Variants in COL6A6 observed in about 807,000 individuals in gnomAD.
The protein encoded by COL6A6 is collagen type VI alpha 6 chain.
COL6A6 carries 183 observed loss-of-function variants against 208.6 expected under a neutral mutation model. The ratio of observed to expected loss-of-function variants is 0.88; its 90% CI spans 0.78 to 0.99. COL6A6 has a LOEUF of 0.99. Among genes scored for constraint, COL6A6 ranks in the 50% least tolerant of loss-of-function variants. The pLI is 0.00. For synonymous variants in COL6A6, 973 were observed against 1,011.8 expected, an observed-to-expected ratio of 0.96 and a Z score of 0.73; for missense variants, 2,816 against 2,815.2, an observed-to-expected ratio of 1.00 and a Z score of -0.01.
At chr3:130,598,965 A>G (rs1429145590) in intron 19 of COL6A6, among the ~76,000 whole-genome samples, 1 of 152,200 alleles carries the variant, frequency 6.6e-6, no homozygotes, top group Non-Finnish European at 1.5e-5. Context: ...ATTTTCTTGG[A>G]TAATGTTCCC....
At chr3:130,567,977 A>G in intron 5 of COL6A6, 70 bp from the exon 6 acceptor site, 2 of 1,212,788 alleles carry the variant, frequency 1.6e-6, no homozygotes, top group East Asian at 2.3e-5. Flanking sequence ...TGTGTTTTGG[A>G]TTTTCCTGTT....
chr3:130,637,372 C>G (rs2065189833), intron 28 of COL6A6, among the ~76,000 whole-genome samples: 1 of 151,532 alleles, frequency 6.6e-6, no homozygotes, highest in South Asian at 2.1e-4. Context: ...ATGGTTGGAT[C>G]CCTCCCCACA....
chr3:130,676,850 C>CT lies in COL6A6; in HGVS notation c.*1455dup, dbSNP rs2066371552. On this transcript the variant is annotated 3_prime_UTR_variant, in exon 37 of 37. Coordinates refer to ENST00000358511, the MANE Select transcript of COL6A6 (RefSeq NM_001102608.3). ...TTTGCTTCATCTATCCTAAGTGGTGCTTAGGGGTTCAGAAAAAATGTTTCA... is the reference window on the plus strand; with the variant it reads ...TTTGCTTCATCTATCCTAAGTGGTGCTTTAGGGGTTCAGAAAAAATGTTTCA... 6.6e-6 allele frequency: 1 copy of CT among 152,090 alleles called. No individual in the cohort carries two copies. Among genetic ancestry groups the CT allele is most frequent in the African/African-American group, 2.4e-5 (1 of 41,416 alleles). 9.4% of individuals were successfully genotyped at this position (152,090 alleles called of 1,614,324 possible).
Position 130,641,722 on chromosome 3 carries a change from GA to G in COL6A6, c.5154+13del. The G allele has an allele frequency of 1.3e-6, 2 of 1,546,884 alleles. No homozygotes were observed. The highest frequency in any genetic ancestry group is 1.8e-6 in the Non-Finnish European group (2 of 1,124,722). On this transcript the variant is annotated intron_variant, in intron 29 of 36. Transcript: ENST00000358511. ...GGACCTCCTGGACGTAAGGTAAGTA[GA>G]AAAACTATAAACCACAGCAGGTCCT...
intron 36 of COL6A6, among the ~76,000 whole-genome samples, chr3:130,673,220 A>AAAAAAAAAACC (rs1553724897): frequency 0.056 from 7,285 of 129,508 alleles, 538 homozygotes; most frequent in African/African-American, 0.17. Flanking sequence ...AAAAAAACAA[A>AAAAAAAAAACC]AAAAAAAAAC....
chr3:130,553,830 G>C (rs989721267), intron 1 of COL6A6, among the ~76,000 whole-genome samples: 2 of 140,430 alleles, frequency 1.4e-5, no homozygotes, highest in East Asian at 4.0e-4. Flanking sequence ...TGGGTGTTGC[G>C]GTGGGTTTTT....
chr3:130,537,380 A>T (rs1163039537), intron 1 of COL6A6, among the ~76,000 whole-genome samples: 2 of 152,202 alleles, frequency 1.3e-5, no homozygotes, highest in Non-Finnish European at 2.9e-5. Flanking sequence ...GCTCAGTAGT[A>T]GCTGTTATTC....
rs1239033482 is a variant in COL6A6, at chr3:130,568,470, G to A, written c.2267G>A (p.Gly756Glu). 9.3e-6 allele frequency: 15 copies of A among 1,613,826 alleles called. No homozygotes were observed. The highest frequency in any genetic ancestry group is 1.2e-5 in the Non-Finnish European group (14 of 1,179,904). ...RQEGVIIYSV[G>E]VFGSNVTQLE... ...GAAGGTGTAATCATCTATTCTGTGG[G>A]AGTGTTTGGCTCCAATGTCACCCAG... Residue 756 changes from glycine to glutamate, a missense_variant, in exon 6 of 37, where the codon GGA becomes GAA. Transcript: ENST00000358511.
intron 1 of COL6A6, among the ~76,000 whole-genome samples, chr3:130,539,907 G>C (rs1029806645): frequency 1.3e-4 from 20 of 152,186 alleles, no homozygotes; most frequent in African/African-American, 4.1e-4. Flanking sequence ...TAAAAATTTT[G>C]AGTTTTTTAA....
At chr3:130,672,624 G>A (rs571400695) in intron 36 of COL6A6, among the ~76,000 whole-genome samples, 13 of 151,842 alleles carry the variant, frequency 8.6e-5, no homozygotes, top group African/African-American at 2.7e-4. Flanking sequence ...GGCTGGTCTC[G>A]AACTCCTGAC....
At chr3:130,544,084 G>A (rs956435463) in intron 1 of COL6A6, among the ~76,000 whole-genome samples, 3 of 152,022 alleles carry the variant, frequency 2.0e-5, no homozygotes, top group African/African-American at 4.8e-5. Flanking sequence ...TAATTCTCAC[G>A]TACATTAAAT....
intron 26 of COL6A6, among the ~76,000 whole-genome samples, chr3:130,628,714 A>G (rs1431204006): frequency 6.6e-6 from 1 of 151,014 alleles, no homozygotes; most frequent in Non-Finnish European, 1.5e-5. Context: ...CTCCAATGAA[A>G]TCCATTTTAA....
At chr3:130,607,834 T>C (rs1345410954) in intron 21 of COL6A6, among the ~76,000 whole-genome samples, 1 of 152,214 alleles carries the variant, frequency 6.6e-6, no homozygotes, top group East Asian at 1.9e-4. Context: ...CCACATACTT[T>C]TTATTTATCT....
chr3:130,546,519 T>C (rs2062502032), intron 1 of COL6A6, among the ~76,000 whole-genome samples: 1 of 152,212 alleles, frequency 6.6e-6, no homozygotes, highest in Admixed American at 6.5e-5. Context: ...TTACCTTTGC[T>C]GGCTCAGGCA....
In COL6A6 at chr3:130,675,259, A is replaced by C; in HGVS notation, c.6654A>C (p.Lys2218Asn). Residue 2218 changes from lysine (K) to asparagine (N), a missense_variant, in exon 37 of 37, where the codon AAA becomes AAC. By Grantham distance (94) the Lys-to-Asn change is moderately conservative (BLOSUM62 0). Transcript: ENST00000358511. ...TLKEDVLQKA[K>N]FFQDKKYLSR... is the part of the protein sequence containing the mutation. ...AAGAAGATGTATTACAGAAGGCAAA[A>C]TTCTTTCAAGATAAAAAATATCTTT... 1 of 1,586,916 alleles carries C rather than the reference A, an allele frequency of 6.3e-7. No homozygotes were observed. The highest frequency in any genetic ancestry group is 8.6e-7 in the Non-Finnish European group (1 of 1,165,382).
At chr3:130,559,571 A>AT (rs1398384137) in intron 1 of COL6A6, among the ~76,000 whole-genome samples, 1 of 152,244 alleles carries the variant, frequency 6.6e-6, no homozygotes, top group African/African-American at 2.4e-5. Context: ...GGATCAATTC[A>AT]TTTTTTGTTC....
At chr3:130,654,963 G>C (rs551523699) in intron 33 of COL6A6, among the ~76,000 whole-genome samples, 1 of 152,196 alleles carries the variant, frequency 6.6e-6, no homozygotes, top group African/African-American at 2.4e-5. Flanking sequence ...TTCTGGGCGG[G>C]GCCACAGGAG....
chr3:130,603,135 A>G (rs2108157144), intron 20 of COL6A6, among the ~76,000 whole-genome samples: 1 of 152,334 alleles, frequency 6.6e-6, no homozygotes, highest in South Asian at 2.1e-4. Context: ...ACTAAATACT[A>G]GAAATAAACT....
intron 5 of COL6A6, 82 bp from the exon 6 acceptor site, chr3:130,567,961 ATTAT>A (rs1489015702): frequency 2.1e-6 from 2 of 948,062 alleles, no homozygotes; most frequent in Non-Finnish European, 3.2e-6. Flanking sequence ...TCAATATAAA[ATTAT>A]TTGTGTTTTG....
Sources: allele counts gnomAD v4.1 joint callset (sites outside exome capture counted in the v4.1 genomes callset), GRCh38; gene constraint gnomAD v4.1.1; transcripts MANE v1.5; gene names NCBI Gene and HGNC (gene_info 2026-07-23, HGNC 2026-07-21).